Variants in DTNB observed in about 807,000 individuals in gnomAD.
The protein encoded by DTNB is DTN-B.
Under a neutral mutation model 90.7 loss-of-function variants are expected in DTNB, and 63 were observed. That is an observed-to-expected ratio of 0.69 (90% CI 0.57 to 0.86). The LOEUF (loss-of-function observed/expected upper bound fraction) is 0.86. DTNB is among the 40% of genes least tolerant of loss of function. The pLI, the probability that DTNB is intolerant of heterozygous loss-of-function variation, is 0.00. For missense variants in DTNB, 744 were observed against 807.1 expected (o/e 0.92, Z 0.95); for synonymous variants, 277 against 286.7 (o/e 0.97, Z 0.34).
intron 10 of DTNB, among the ~76,000 whole-genome samples, chr2:25,471,444 G>C (rs1282187786): frequency 6.6e-6 from 1 of 150,602 alleles, no homozygotes; most frequent in Non-Finnish European, 1.5e-5. Flanking sequence ...TCAGGCTGGA[G>C]TGCAGCGGCC....
chr2:25,435,087 T>C (rs1442973688), intron 12 of DTNB, among the ~76,000 whole-genome samples: 2 of 152,182 alleles, frequency 1.3e-5, no homozygotes, highest in Non-Finnish European at 2.9e-5. Context: ...CGGCATGATC[T>C]TAGTTCACTG....
At chr2:25,401,011 T>C (rs1447319465) in intron 16 of DTNB, among the ~76,000 whole-genome samples, 1 of 152,164 alleles carries the variant, frequency 6.6e-6, no homozygotes, top group African/African-American at 2.4e-5. Flanking sequence ...AATCAGAGGG[T>C]TCATGACCCC....
intron 1 of DTNB, among the ~76,000 whole-genome samples, chr2:25,662,116 A>G (rs1053275003): frequency 1.3e-5 from 2 of 151,900 alleles, no homozygotes; most frequent in African/African-American, 4.8e-5. Context: ...AGATTGTGTC[A>G]CTGCACGCCA....
At chr2:25,541,503 TAAAA>T (rs2081246490) in intron 8 of DTNB, among the ~76,000 whole-genome samples, 1 of 151,766 alleles carries the variant, frequency 6.6e-6, no homozygotes, top group Admixed American at 6.6e-5. Context: ...AATACATAAA[TAAAA>T]ATAAATAAAT....
chr2:25,668,154 G>C (rs1329823200), intron 1 of DTNB, among the ~76,000 whole-genome samples: 1 of 152,132 alleles, frequency 6.6e-6, no homozygotes, highest in Admixed American at 6.5e-5. Flanking sequence ...CAGGAGAATG[G>C]TGTGAATCCG....
intron 16 of DTNB, among the ~76,000 whole-genome samples, chr2:25,396,514 A>T (rs868078495): frequency 1.0e-4 from 15 of 150,382 alleles, no homozygotes; most frequent in African/African-American, 3.4e-4. Flanking sequence ...CTGTCTCAGG[A>T]GGAAAAAAAA....
intron 9 of DTNB, among the ~76,000 whole-genome samples, chr2:25,528,753 A>G (rs1012213692): frequency 6.6e-6 from 1 of 152,230 alleles, no homozygotes; most frequent in African/African-American, 2.4e-5. Flanking sequence ...TGTAAAGTAT[A>G]TCTTAAATAG....
Position 25,628,305 on chromosome 2 carries a change from G to T in DTNB, c.228C>A (p.Ile76=). Residue 76 remains isoleucine, a synonymous_variant, in exon 4 of 21, where the codon ATC becomes ATA. Coordinates refer to ENST00000406818, the MANE Select transcript of DTNB (RefSeq NM_021907.5). ...TGACAGTTTCGAGGCGGGACACACT[G>T]ATCTCGGTGGTATGGTCCAGTGTAT... ...GLNTLDHTTE[I]SVSRLETVIS... is the part of the protein sequence containing the mutation. The T allele has an allele frequency of 6.2e-7, 1 of 1,613,786 alleles. No individual in the cohort carries two copies. The highest frequency in any genetic ancestry group is 8.5e-7 in the Non-Finnish European group (1 of 1,179,842).
chr2:25,538,430 C>T (rs2080343853), intron 8 of DTNB, among the ~76,000 whole-genome samples: 1 of 151,992 alleles, frequency 6.6e-6, no homozygotes, highest in Admixed American at 6.6e-5. Context: ...ATACACACAC[C>T]AAAGAGTATA....
At chr2:25,581,355 T>C (rs1237130665) in intron 6 of DTNB, among the ~76,000 whole-genome samples, 1 of 152,152 alleles carries the variant, frequency 6.6e-6, no homozygotes, top group African/African-American at 2.4e-5. Context: ...CACCTAGACA[T>C]CATTTAACAA....
At chr2:25,613,307 G>A (rs2069168239) in intron 4 of DTNB, among the ~76,000 whole-genome samples, 1 of 152,060 alleles carries the variant, frequency 6.6e-6, no homozygotes, top group Admixed American at 6.6e-5. Flanking sequence ...CGTATATTGC[G>A]TGATGCTGAG....
chr2:25,592,806 G>C (rs2063813606), intron 6 of DTNB, among the ~76,000 whole-genome samples: 1 of 152,148 alleles, frequency 6.6e-6, no homozygotes, highest in Non-Finnish European at 1.5e-5. Flanking sequence ...CAACCACTAA[G>C]AATCTACATG....
At chr2:25,638,130 G>A (rs943000367) in intron 3 of DTNB, among the ~76,000 whole-genome samples, 2 of 152,170 alleles carry the variant, frequency 1.3e-5, no homozygotes, top group East Asian at 1.9e-4. Flanking sequence ...AACACCACAT[G>A]TTCTCACTCA....
chr2:25,619,140 T>C (rs1366812413), intron 4 of DTNB, among the ~76,000 whole-genome samples: 1 of 152,132 alleles, frequency 6.6e-6, no homozygotes, highest in Non-Finnish European at 1.5e-5. Context: ...GCTATTCAAA[T>C]TAATACTTTT....
chr2:25,631,751 T>C (rs970116265), intron 3 of DTNB, among the ~76,000 whole-genome samples: 4 of 152,178 alleles, frequency 2.6e-5, no homozygotes, highest in African/African-American at 9.7e-5. Context: ...TAATAAGTGA[T>C]AGTGCAAATA....
At chr2:25,420,195 A>G (rs1040995846) in intron 15 of DTNB, among the ~76,000 whole-genome samples, 2 of 136,100 alleles carry the variant, frequency 1.5e-5, no homozygotes, top group African/African-American at 2.8e-5. Flanking sequence ...TTCTTTTCTT[A>G]TTTGGTCCCC....
intron 8 of DTNB, among the ~76,000 whole-genome samples, chr2:25,542,778 C>T (rs2081561897): frequency 6.6e-6 from 1 of 152,046 alleles, no homozygotes; most frequent in Non-Finnish European, 1.5e-5. Context: ...TTGTTAATTT[C>T]AACTTAGCTT....
intron 4 of DTNB, among the ~76,000 whole-genome samples, chr2:25,620,230 G>T (rs1412147236): frequency 6.6e-6 from 1 of 151,938 alleles, no homozygotes; most frequent in South Asian, 2.1e-4. Flanking sequence ...GTAATTAGAG[G>T]TTGGTGTGGG....
intron 5 of DTNB, among the ~76,000 whole-genome samples, chr2:25,603,816 G>A (rs950883020): frequency 3.9e-5 from 6 of 152,196 alleles, no homozygotes; most frequent in African/African-American, 1.2e-4. Flanking sequence ...TTAGGTATGA[G>A]AAAGTGAATA....
Sources: gnomAD v4.1 joint callset for allele counts (sites outside exome capture counted in the v4.1 genomes callset) on GRCh38, gnomAD v4.1.1 for gene constraint, MANE v1.5 for transcripts, NCBI Gene and HGNC (gene_info 2026-07-23, HGNC 2026-07-21) for gene names.